The following RBMS2 variants were observed in gnomAD, a reference collection of about 807,000 sequenced individuals.
The protein encoded by RBMS2 is RNA-binding motif, single-stranded-interacting protein 2.
Under a neutral mutation model 58.4 loss-of-function variants are expected in RBMS2, and 38 were observed. The ratio of observed to expected loss-of-function variants is 0.65; its 90% CI spans 0.50 to 0.85. The LOEUF is 0.85. RBMS2 is among the 40% of genes least tolerant of loss of function. The pLI is 0.00. For synonymous variants in RBMS2, 151 were observed against 180.7 expected, an observed-to-expected ratio of 0.84 and a Z score of 1.32; for missense variants, 367 against 503.7, an observed-to-expected ratio of 0.73 and a Z score of 2.60.
Position 56,581,364 on chromosome 12 carries a change from G to A in RBMS2, c.623-35G>A, listed in dbSNP as rs1260602997. 9 of 1,604,464 alleles carry A rather than the reference G, an allele frequency of 5.6e-6. No homozygotes were observed. The Admixed American group carries it at 1.5e-4, about 27-fold the overall frequency. The stretch of plus-strand genomic sequence containing the variant: ...GACTGTGCCTGGGCCACATGAGGTG[G>A]GACTCAGCTGCCCATCTGCCTTCTC... On this transcript the variant is annotated intron_variant, in intron 6 of 13. Transcript: ENST00000262031.
In RBMS2 at chr12:56,595,802, C is replaced by G. The variant is rs908488982; in HGVS notation, c.*6669C>G. ...GCACTAATGACCCTTTCCATCCACA[C>G]AGAGGGTATGGAACAGGAGCCCCTG... On this transcript the variant is annotated 3_prime_UTR_variant, in exon 14 of 14. Coordinates refer to ENST00000262031, the MANE Select transcript of RBMS2 (RefSeq NM_002898.4). 3.3e-5 allele frequency: 5 copies of G among 152,604 alleles called. No individual in the cohort carries two copies. Among genetic ancestry groups the G allele is most frequent in the Non-Finnish European group, 5.9e-5 (4 of 68,052 alleles). 9.5% of individuals were successfully genotyped at this position (152,604 alleles called of 1,614,324 possible).
In RBMS2 at chr12:56,547,358, A is replaced by C. The variant is rs548664046; in HGVS notation, c.67-15059A>C. On this transcript the variant is annotated intron_variant, in intron 1 of 13. Transcript: ENST00000262031. ...CAATGAGAGCGAAACTCCATCTGAA[A>C]AAACAAAAATGAAAAAAGTTTATTG... Among the ~76,000 whole-genome samples, 36 of 151,754 alleles carry C rather than the reference A, an allele frequency of 2.4e-4. No homozygotes were observed. The East Asian group carries it at 6.6e-3, about 28-fold the overall frequency.
chr12:56,560,318 G>C (rs1259891907), intron 1 of RBMS2, among the ~76,000 whole-genome samples: 1 of 150,018 alleles, frequency 6.7e-6, no homozygotes, highest in Non-Finnish European at 1.5e-5. Flanking sequence ...GTGCAGTGGT[G>C]CAGTCTCGGC....
At chr12:56,536,599 A>T (rs2933233) in intron 1 of RBMS2, among the ~76,000 whole-genome samples, 1 of 146,224 alleles carries the variant, frequency 6.8e-6, no homozygotes, top group Non-Finnish European at 1.5e-5. Flanking sequence ...ATGGAGTCTC[A>T]CTCTGTCTCC....
At chr12:56,549,523 G>T (rs1877854115) in intron 1 of RBMS2, among the ~76,000 whole-genome samples, 1 of 152,124 alleles carries the variant, frequency 6.6e-6, no homozygotes, top group African/African-American at 2.4e-5. Flanking sequence ...GAAACATGAA[G>T]TTTCTGCTAC....
At chr12:56,544,752 T>A (rs1052837524) in intron 1 of RBMS2, among the ~76,000 whole-genome samples, 2 of 81,622 alleles carry the variant, frequency 2.5e-5, no homozygotes, top group African/African-American at 8.6e-5. Context: ...AGCTAATTTT[T>A]AATTTTTTTT....
intron 1 of RBMS2, among the ~76,000 whole-genome samples, chr12:56,552,003 G>A (rs535370959): frequency 1.2e-4 from 18 of 152,266 alleles, no homozygotes; most frequent in East Asian, 3.9e-4. Flanking sequence ...CAGGAGAACC[G>A]CTTGAACCCA....
chr12:56,553,655 C>T (rs556477394), intron 1 of RBMS2, among the ~76,000 whole-genome samples: 20 of 151,820 alleles, frequency 1.3e-4, no homozygotes, highest in Middle Eastern at 3.4e-3. Flanking sequence ...TTAGTAGAGG[C>T]GAGGTTTTAC....
upstream of RBMS2, among the ~76,000 whole-genome samples, chr12:56,521,667 G>A (rs1871740428): frequency 6.6e-6 from 1 of 151,506 alleles, no homozygotes; most frequent in African/African-American, 2.4e-5. Context: ...GGATAAATTT[G>A]AAAGGGGTTA....
intron 12 of RBMS2, 34 bp from the exon 13 acceptor site, chr12:56,588,898 C>A (rs200838736): frequency 1.0e-5 from 16 of 1,607,940 alleles, no homozygotes; most frequent in Non-Finnish European, 1.4e-5. Context: ...GAAAGGAATG[C>A]GCAAGATGAC....
intron 1 of RBMS2, among the ~76,000 whole-genome samples, chr12:56,536,671 A>T (rs1463678985): frequency 6.8e-6 from 1 of 147,684 alleles, no homozygotes; most frequent in African/African-American, 2.5e-5. Context: ...GGGTTCAAGC[A>T]ATTATCCTGC....
rs562929434 is a variant in RBMS2, at chr12:56,591,074, T to G, written c.*1941T>G. On this transcript the variant is annotated 3_prime_UTR_variant, in exon 14 of 14. Transcript: ENST00000262031. ...AAGACTTCACCCATCTTCTAGGAAA[T>G]AAAATCCTGCTCTTGTCTTCTCCCA... 6.6e-6 allele frequency: 1 copy of G among 152,282 alleles called. No individual in the cohort carries two copies. Among genetic ancestry groups the G allele is most frequent in the East Asian group, 1.9e-4 (1 of 5,184 alleles). The allele number at this position is 152,282 out of a possible 1,614,324, so 9.4% of individuals were successfully genotyped here. A position where few individuals can be genotyped will look rare whatever the true frequency, so the allele number is the denominator to read the frequency against.
intron 1 of RBMS2, among the ~76,000 whole-genome samples, chr12:56,528,945 A>G (rs1873186028): frequency 6.6e-6 from 1 of 152,074 alleles, no homozygotes; most frequent in South Asian, 2.1e-4. Context: ...AGAAAGAAAG[A>G]GAGACATAAT....
chr12:56,533,736 C>T (rs2136267536), intron 1 of RBMS2, among the ~76,000 whole-genome samples: 1 of 152,056 alleles, frequency 6.6e-6, no homozygotes, highest in South Asian at 2.1e-4. Flanking sequence ...TTTTTAAAAA[C>T]ATAGTTTTAG....
At position 56,592,822 on chromosome 12, in the gene RBMS2, T is replaced by C. The variant is rs1282306518; in HGVS notation, c.*3689T>C. The C allele has an allele frequency of 6.6e-6, 1 of 152,208 alleles. No homozygotes were observed. 9.4% of individuals were successfully genotyped at this position (152,208 alleles called of 1,614,324 possible). ...CACCGCGCCCGGCCTTTATTTTATT[T>C]TTTAGAGATGGTCTTGCTGTGTCAC... is the stretch of plus-strand genomic sequence containing the variant. On this transcript the variant is annotated 3_prime_UTR_variant, in exon 14 of 14. Coordinates refer to ENST00000262031, the MANE Select transcript of RBMS2 (RefSeq NM_002898.4).
chr12:56,559,714 G>T (rs1880005156), intron 1 of RBMS2, among the ~76,000 whole-genome samples: 1 of 150,052 alleles, frequency 6.7e-6, no homozygotes, highest in African/African-American at 2.4e-5. Context: ...AGCCAGGCGT[G>T]GTGGCGGGCG....
chr12:56,551,741 A>G (rs1317871775), intron 1 of RBMS2, among the ~76,000 whole-genome samples: 1 of 152,210 alleles, frequency 6.6e-6, no homozygotes, highest in East Asian at 1.9e-4. Context: ...TGATGTATAT[A>G]TGTTGAATGC....
chr12:56,534,078 C>T (rs970747371), intron 1 of RBMS2, among the ~76,000 whole-genome samples: 4 of 152,090 alleles, frequency 2.6e-5, no homozygotes, highest in Non-Finnish European at 4.4e-5. Flanking sequence ...TGCTTGCAAC[C>T]ACTGCTGTAG....
In RBMS2 at chr12:56,586,155, T is replaced by C. The variant is rs768324647; in HGVS notation, c.874-694T>C. 5.3e-5 allele frequency among the ~76,000 whole-genome samples: 8 copies of C among 152,148 alleles called. No homozygotes were observed. The South Asian group carries it at 6.2e-4, about 12-fold the overall frequency. On this transcript the variant is annotated intron_variant, in intron 9 of 13. Transcript: ENST00000262031. ...CATCCTGGCTAACACGGTGAAACCC[T>C]GTCTCTACTGAAAATACAAAAGCAA...
Sources: allele counts gnomAD v4.1 joint callset (sites outside exome capture counted in the v4.1 genomes callset), GRCh38; gene constraint gnomAD v4.1.1; transcripts MANE v1.5; gene names NCBI Gene and HGNC (gene_info 2026-07-23, HGNC 2026-07-21).